The following EEIG2 variants were observed in gnomAD, a reference collection of about 807,000 sequenced individuals.
EEIG2 encodes the protein family with sequence similarity 102 member B.
chr1:108,576,752 A>G, the EEIG2 span, among the ~76,000 whole-genome samples: 1 of 150,166 alleles, frequency 6.7e-6, no homozygotes. Flanking sequence ...TGCCGCAATA[A>G]ACATACGTGT....
At chr1:108,576,538 T>C in the EEIG2 span, among the ~76,000 whole-genome samples, 3 of 136,012 alleles carry the variant, frequency 2.2e-5, no homozygotes, top group Non-Finnish European at 3.1e-5. Context: ...TGAGTGAGAA[T>C]ATGCGGTGTT....
chr1:108,625,828 GGA>G, the EEIG2 span: 3 of 132,242 alleles, frequency 2.3e-5, no homozygotes, highest in African/African-American at 5.5e-5. Context: ...GTGTGTGTGT[GGA>G]GAGAGAGAGA....
the EEIG2 span, among the ~76,000 whole-genome samples, chr1:108,596,560 A>T: frequency 6.6e-6 from 1 of 152,116 alleles, no homozygotes; most frequent in Non-Finnish European, 1.5e-5. Flanking sequence ...ATCTGGAATG[A>T]TAAAATATCA....
the EEIG2 span, chr1:108,624,613 C>T: frequency 1.5e-3 from 2,336 of 1,598,074 alleles, 2 homozygotes; most frequent in Non-Finnish European, 1.8e-3. Flanking sequence ...GAGGCTCCCC[C>T]ACAACTCCAG....
chr1:108,566,992 A>G, the EEIG2 span, among the ~76,000 whole-genome samples: 2 of 152,164 alleles, frequency 1.3e-5, no homozygotes, highest in Non-Finnish European at 2.9e-5. Flanking sequence ...AGAATAGATC[A>G]TAAGTGTTCT....
At chr1:108,593,753 A>G in the EEIG2 span, among the ~76,000 whole-genome samples, 2 of 152,160 alleles carry the variant, frequency 1.3e-5, no homozygotes, top group South Asian at 4.1e-4. Context: ...ACATGTTGAT[A>G]TATGAATCTG....
the EEIG2 span, among the ~76,000 whole-genome samples, chr1:108,583,617 A>G: frequency 6.6e-6 from 1 of 152,030 alleles, no homozygotes; most frequent in Non-Finnish European, 1.5e-5. Context: ...TATTCCCTTT[A>G]TTGCTAATTC....
the EEIG2 span, among the ~76,000 whole-genome samples, chr1:108,606,786 G>A: frequency 2.1e-4 from 32 of 152,250 alleles, no homozygotes; most frequent in African/African-American, 7.7e-4. Flanking sequence ...CCTGAACTGA[G>A]AGATTGTACA....
At chr1:108,573,729 C>G in the EEIG2 span, among the ~76,000 whole-genome samples, 1 of 152,154 alleles carries the variant, frequency 6.6e-6, no homozygotes, top group African/African-American at 2.4e-5. Context: ...CTTGAATAGA[C>G]ATTTCTCCAA....
chr1:108,571,506 A>G, the EEIG2 span, among the ~76,000 whole-genome samples: 1 of 152,208 alleles, frequency 6.6e-6, no homozygotes, highest in African/African-American at 2.4e-5. Context: ...GAGGAAAAAC[A>G]GAACAGTAGG....
chr1:108,580,550 A>G, the EEIG2 span, among the ~76,000 whole-genome samples: 1 of 152,208 alleles, frequency 6.6e-6, no homozygotes, highest in Non-Finnish European at 1.5e-5. Flanking sequence ...GAAAGGTTGT[A>G]GAAGGAAATT....
At chr1:108,604,223 C>T in the EEIG2 span, among the ~76,000 whole-genome samples, 1 of 152,074 alleles carries the variant, frequency 6.6e-6, no homozygotes, top group East Asian at 1.9e-4. Context: ...TAGATCAGGC[C>T]GGGCCTTATG....
At chr1:108,600,870 T>C in the EEIG2 span, among the ~76,000 whole-genome samples, 2 of 152,076 alleles carry the variant, frequency 1.3e-5, no homozygotes, top group Non-Finnish European at 2.9e-5. Context: ...GGTTATAAAT[T>C]AAAATTATTA....
chr1:108,612,258 TA>T, the EEIG2 span: 1 of 1,613,398 alleles, frequency 6.2e-7, no homozygotes, highest in South Asian at 1.1e-5. Flanking sequence ...AAGGCTATGA[TA>T]CCAAAAATAC....
chr1:108,574,523 G>A, the EEIG2 span, among the ~76,000 whole-genome samples: 1 of 152,242 alleles, frequency 6.6e-6, no homozygotes, highest in Non-Finnish European at 1.5e-5. Flanking sequence ...GGCCAAGGCA[G>A]GCAGATCGCC....
At chr1:108,612,775 A>G in the EEIG2 span, among the ~76,000 whole-genome samples, 425 of 152,358 alleles carry the variant, frequency 2.8e-3, no homozygotes, top group African/African-American at 9.9e-3. Context: ...GTGCGAATGT[A>G]TACTTCATAG....
At chr1:108,586,743 G>A in the EEIG2 span, among the ~76,000 whole-genome samples, 1 of 152,034 alleles carries the variant, frequency 6.6e-6, no homozygotes, top group Non-Finnish European at 1.5e-5. Context: ...TAGCTGAAGA[G>A]TTTGGTTTTT....
the EEIG2 span, chr1:108,629,657 G>C: frequency 3.4e-5 from 54 of 1,606,552 alleles, no homozygotes; most frequent in South Asian, 5.8e-4. Context: ...CTTCCAAATA[G>C]GTAAGTAGTA....
At chr1:108,604,175 CAG>C in the EEIG2 span, among the ~76,000 whole-genome samples, 1 of 152,204 alleles carries the variant, frequency 6.6e-6, no homozygotes, top group Non-Finnish European at 1.5e-5. Context: ...GCGTGGGAAA[CAG>C]AGAGGCAAAG....
Sources: allele counts gnomAD v4.1 joint callset (sites outside exome capture counted in the v4.1 genomes callset), GRCh38; gene constraint gnomAD v4.1.1; transcripts MANE v1.5; gene names NCBI Gene and HGNC (gene_info 2026-07-23, HGNC 2026-07-21).